Variants in ASIC2 observed in about 807,000 individuals in gnomAD.
ASIC2 encodes acid sensing ion channel subunit 2.
Under a neutral mutation model 57.3 loss-of-function variants are expected in ASIC2, and 25 were observed. The observed-to-expected ratio is 0.44, with a 90% confidence interval of 0.32 to 0.61. ASIC2 has a LOEUF of 0.61. Among genes scored for constraint, ASIC2 ranks in the 20% least tolerant of loss-of-function variants. The pLI is 0.06. For synonymous variants in ASIC2, 319 were observed against 307.5 expected (o/e 1.04, Z -0.39); for missense variants, 641 against 738.1 (o/e 0.87, Z 1.52).
intron 1 of ASIC2, chr17:34,038,800 A>T: frequency 6.2e-7 from 1 of 1,611,942 alleles, no homozygotes; most frequent in Non-Finnish European, 8.5e-7. Flanking sequence ...GTTTCTGCTC[A>T]TTGGTTGCAG....
intron 1 of ASIC2, among the ~76,000 whole-genome samples, chr17:33,738,024 A>G (rs187340273): frequency 6.6e-6 from 1 of 152,378 alleles, no homozygotes; most frequent in African/African-American, 2.4e-5. Context: ...AAGATTTAAT[A>G]GCTCACTGGT....
intron 1 of ASIC2, among the ~76,000 whole-genome samples, chr17:34,060,790 C>T (rs994566571): frequency 4.6e-5 from 7 of 151,896 alleles, no homozygotes; most frequent in Admixed American, 2.0e-4. Context: ...CCCATTTCAA[C>T]AAAGACAAAG....
chr17:33,205,820 G>A (rs542774053), intron 1 of ASIC2, among the ~76,000 whole-genome samples: 20 of 152,336 alleles, frequency 1.3e-4, no homozygotes, highest in African/African-American at 4.8e-4. Context: ...CTTGGCATAC[G>A]GTTCCCATGC....
chr17:33,500,226 G>T (rs1914060875), intron 1 of ASIC2, among the ~76,000 whole-genome samples: 1 of 152,044 alleles, frequency 6.6e-6, no homozygotes, highest in African/African-American at 2.4e-5. Flanking sequence ...TTTTGAATGG[G>T]GTGAGGGGCA....
At chr17:33,516,027 T>C (rs929678738) in intron 1 of ASIC2, among the ~76,000 whole-genome samples, 5 of 151,434 alleles carry the variant, frequency 3.3e-5, no homozygotes, top group Admixed American at 1.3e-4. Context: ...GTAGCTTGAG[T>C]TGGAGAGGTT....
chr17:33,682,113 G>T (rs1238974465), intron 1 of ASIC2, among the ~76,000 whole-genome samples: 1 of 146,552 alleles, frequency 6.8e-6, no homozygotes, highest in Non-Finnish European at 1.5e-5. Flanking sequence ...AGGCTGGAGT[G>T]CAGTAGTGCA....
intron 1 of ASIC2, among the ~76,000 whole-genome samples, chr17:33,861,033 T>C (rs1914088228): frequency 6.6e-6 from 1 of 152,226 alleles, no homozygotes; most frequent in Non-Finnish European, 1.5e-5. Flanking sequence ...TGTCAATATG[T>C]ATCCAGAGTC....
At chr17:34,105,753 G>T (rs770573220) in intron 1 of ASIC2, among the ~76,000 whole-genome samples, 1 of 151,792 alleles carries the variant, frequency 6.6e-6, no homozygotes, top group Admixed American at 6.6e-5. Flanking sequence ...TCTCTTGCTC[G>T]TTCTTACTAT....
intron 3 of ASIC2, among the ~76,000 whole-genome samples, chr17:33,083,635 A>G (rs1461786878): frequency 4.6e-5 from 7 of 152,292 alleles, no homozygotes; most frequent in Admixed American, 1.3e-4. Flanking sequence ...AGATGAAACA[A>G]GGAAGGGCAG....
At chr17:33,580,403 A>G (rs545159882) in intron 1 of ASIC2, 1 of 152,372 alleles carries the variant, frequency 6.6e-6, no homozygotes, top group East Asian at 1.9e-4. Flanking sequence ...GCTGGGGACT[A>G]GAGATCTGAG....
chr17:34,101,645 T>A (rs886928976), intron 1 of ASIC2, among the ~76,000 whole-genome samples: 1 of 152,212 alleles, frequency 6.6e-6, no homozygotes, highest in African/African-American at 2.4e-5. Context: ...TCAAATCCGG[T>A]GTTTATGATT....
rs574842664 is a variant in ASIC2, at chr17:33,969,204, C to T, written c.555+186774G>A. 1.4e-4 allele frequency among the ~76,000 whole-genome samples: 22 copies of T among 152,296 alleles called. 1 individual carries two copies. The South Asian group carries it at 3.7e-3, about 26-fold the overall frequency. ...ACTTTATATTCTAGTTTTGGTCCCT[C>T]GCTTCTTGGGGGACTTTGAAGAAGT... On this transcript the variant is annotated intron_variant, in intron 1 of 9. Coordinates refer to the ASIC2 transcript ENST00000359872.
At chr17:33,767,798 A>G (rs777180643) in intron 1 of ASIC2, among the ~76,000 whole-genome samples, 3 of 152,198 alleles carry the variant, frequency 2.0e-5, no homozygotes, top group Non-Finnish European at 4.4e-5. Flanking sequence ...TAGAATATTT[A>G]TTCTGAAAAC....
At chr17:33,928,331 C>T (rs1915865417) in intron 1 of ASIC2, among the ~76,000 whole-genome samples, 3 of 152,192 alleles carry the variant, frequency 2.0e-5, no homozygotes, top group African/African-American at 7.2e-5. Flanking sequence ...AGGGACTCTG[C>T]AGCGTGGGGG....
intron 1 of ASIC2, among the ~76,000 whole-genome samples, chr17:33,738,316 A>G (rs549275130): frequency 1.3e-5 from 2 of 152,212 alleles, no homozygotes; most frequent in East Asian, 1.9e-4. Flanking sequence ...TCATTAGACA[A>G]CTTTACATGG....
chr17:33,947,121 C>T (rs768381604), intron 1 of ASIC2, among the ~76,000 whole-genome samples: 2 of 150,970 alleles, frequency 1.3e-5, no homozygotes, highest in African/African-American at 2.4e-5. Flanking sequence ...TTCACAGTTC[C>T]GTCTGCCCTG....
intron 1 of ASIC2, among the ~76,000 whole-genome samples, chr17:34,053,537 A>G (rs1206911607): frequency 1.3e-5 from 2 of 152,240 alleles, no homozygotes; most frequent in African/African-American, 2.4e-5. Flanking sequence ...GGTGACCTTT[A>G]TTGAGTATAT....
chr17:33,026,521 T>G (rs1446438770), intron 4 of ASIC2, among the ~76,000 whole-genome samples: 3 of 152,254 alleles, frequency 2.0e-5, no homozygotes, highest in African/African-American at 7.2e-5. Flanking sequence ...GGAGCTCTTC[T>G]CAGCACAACC....
chr17:33,215,369 T>C (rs780587756), intron 1 of ASIC2, among the ~76,000 whole-genome samples: 24 of 152,186 alleles, frequency 1.6e-4, no homozygotes, highest in Admixed American at 9.8e-4. Context: ...CCTAGCACTA[T>C]CCAGGATAAA....
Sources: allele counts gnomAD v4.1 joint callset (sites outside exome capture counted in the v4.1 genomes callset), GRCh38; gene constraint gnomAD v4.1.1; transcripts MANE v1.5; gene names NCBI Gene and HGNC (gene_info 2026-07-23, HGNC 2026-07-21).